The following GPR39 variants were observed in gnomAD, a reference collection of about 807,000 sequenced individuals.
GPR39 encodes zinc sensing receptor.
In GPR39, 23 loss-of-function variants were observed where a neutral mutation model predicts 18.4. That is an observed-to-expected ratio of 1.25 (90% CI 0.90 to 1.77). The LOEUF (loss-of-function observed/expected upper bound fraction) is 1.77. Among genes scored for constraint, GPR39 ranks in the 40% most tolerant of loss-of-function variants. The pLI, the probability that GPR39 is intolerant of heterozygous loss-of-function variation, is 0.00. For synonymous variants in GPR39, 280 were observed against 257.9 expected (o/e 1.09, Z -0.82); for missense variants, 647 against 602.4 (o/e 1.07, Z -0.78).
In GPR39 at chr2:132,646,106, C is replaced by T; in HGVS notation, c.*500C>T. 6.2e-7 allele frequency: 1 copy of T among 1,608,122 alleles called. No individual in the cohort carries two copies. The highest frequency in any genetic ancestry group is 8.5e-7 in the Non-Finnish European group (1 of 1,176,768). On this transcript the variant is annotated 3_prime_UTR_variant, in exon 2 of 2. Coordinates refer to ENST00000329321, the MANE Select transcript of GPR39 (RefSeq NM_001508.3). ...CAGGATGGTGGTGCGGAGCCCTGGC[C>T]TGAGGGCCGAGGCAGAACTTCCCCT... is the stretch of plus-strand genomic sequence containing the variant.
intron 1 of GPR39, among the ~76,000 whole-genome samples, chr2:132,566,604 G>A (rs796869200): frequency 1.4e-4 from 22 of 152,252 alleles, no homozygotes; most frequent in African/African-American, 3.4e-4. Flanking sequence ...CCCATGAAAC[G>A]TTTTTGCAAC....
intron 1 of GPR39, among the ~76,000 whole-genome samples, chr2:132,471,653 T>G (rs765727128): frequency 1.7e-5 from 2 of 115,102 alleles, no homozygotes; most frequent in Non-Finnish European, 3.3e-5. Context: ...CAGCAAGGAG[T>G]TTTTTTTTTT....
intron 1 of GPR39, among the ~76,000 whole-genome samples, chr2:132,451,996 T>A (rs1486822055): frequency 1.3e-5 from 2 of 152,130 alleles, no homozygotes; most frequent in Non-Finnish European, 2.9e-5. Flanking sequence ...CTTGAATTGT[T>A]GTAAGTTCAA....
At chr2:132,488,210 A>C (rs1681382016) in intron 1 of GPR39, among the ~76,000 whole-genome samples, 1 of 152,188 alleles carries the variant, frequency 6.6e-6, no homozygotes, top group Non-Finnish European at 1.5e-5. Context: ...TCAAGTTGTA[A>C]ACTTTTTCTC....
At chr2:132,569,987 C>T (rs984502684) in intron 1 of GPR39, among the ~76,000 whole-genome samples, 2 of 152,116 alleles carry the variant, frequency 1.3e-5, no homozygotes, top group Non-Finnish European at 2.9e-5. Flanking sequence ...TGCCCAGTCT[C>T]GGGTTTGTCT....
At chr2:132,582,403 C>T (rs1680640298) in intron 1 of GPR39, among the ~76,000 whole-genome samples, 1 of 152,208 alleles carries the variant, frequency 6.6e-6, no homozygotes, top group Non-Finnish European at 1.5e-5. Context: ...ATGTGCCTTT[C>T]AGGCAGGTTT....
At chr2:132,474,082 AGAG>A (rs2104785025) in intron 1 of GPR39, among the ~76,000 whole-genome samples, 1 of 151,732 alleles carries the variant, frequency 6.6e-6, no homozygotes, top group East Asian at 2.0e-4. Flanking sequence ...CACTTCAGTC[AGAG>A]GAGCATGGTG....
chr2:132,628,942 C>T (rs1220259711), intron 1 of GPR39, among the ~76,000 whole-genome samples: 1 of 152,180 alleles, frequency 6.6e-6, no homozygotes, highest in Non-Finnish European at 1.5e-5. Flanking sequence ...TCCAAGTGCT[C>T]AGAGTGACCC....
chr2:132,612,216 A>G (rs1681250260), intron 1 of GPR39, among the ~76,000 whole-genome samples: 2 of 152,070 alleles, frequency 1.3e-5, no homozygotes, highest in African/African-American at 4.8e-5. Flanking sequence ...AATCAAATTG[A>G]AATTTGCTCT....
chr2:132,593,595 C>T (rs1680884932), intron 1 of GPR39, among the ~76,000 whole-genome samples: 1 of 152,286 alleles, frequency 6.6e-6, no homozygotes, highest in Non-Finnish European at 1.5e-5. Context: ...AGATTTTGAC[C>T]TGAACAAATG....
intron 1 of GPR39, among the ~76,000 whole-genome samples, chr2:132,510,378 T>C (rs1429870185): frequency 6.6e-6 from 1 of 152,112 alleles, no homozygotes; most frequent in African/African-American, 2.4e-5. Context: ...GCTAGTCTCA[T>C]CTACTCATGC....
intron 1 of GPR39, among the ~76,000 whole-genome samples, chr2:132,490,585 C>T (rs909843280): frequency 2.0e-5 from 3 of 151,842 alleles, no homozygotes; most frequent in Non-Finnish European, 2.9e-5. Flanking sequence ...TAGAGCATGC[C>T]GATCGCTGGT....
At chr2:132,557,429 G>T (rs967575475) in intron 1 of GPR39, among the ~76,000 whole-genome samples, 1 of 152,210 alleles carries the variant, frequency 6.6e-6, no homozygotes, top group Non-Finnish European at 1.5e-5. Context: ...TTCCAACTTT[G>T]AATTCTTTCT....
intron 1 of GPR39, among the ~76,000 whole-genome samples, chr2:132,610,343 G>T (rs1681217856): frequency 6.6e-6 from 1 of 152,152 alleles, no homozygotes; most frequent in East Asian, 1.9e-4. Context: ...CATTAATTAA[G>T]ATGACACTAG....
chr2:132,522,032 G>A (rs1679435019), intron 1 of GPR39, among the ~76,000 whole-genome samples: 1 of 152,174 alleles, frequency 6.6e-6, no homozygotes, highest in Non-Finnish European at 1.5e-5. Context: ...AATAGTTGCT[G>A]TGTAAATGCG....
chr2:132,417,062 C>T lies in GPR39; in HGVS notation c.20C>T (p.Pro7Leu), dbSNP rs1553445953. 6.2e-7 allele frequency: 1 copy of T among 1,613,940 alleles called. No homozygotes were observed. The highest frequency in any genetic ancestry group is 1.1e-5 in the South Asian group (1 of 91,052). ...TTTCTCATGGCTTCACCCAGCCTCC[C>T]GGGCAGTGACTGCTCCCAAATCATT... MASPSL[P>L]GSDCSQIIDH... The change falls in exon 1 of 2, where the codon CCG (proline) becomes CTG (leucine). Residue 7 changes from proline (P) to leucine (L), a missense_variant. By Grantham distance (98) the Pro-to-Leu change is moderately conservative (BLOSUM62 -3). Transcript: ENST00000329321.
intron 1 of GPR39, among the ~76,000 whole-genome samples, chr2:132,549,702 C>A (rs568704748): frequency 2.0e-5 from 3 of 152,054 alleles, no homozygotes. Context: ...GCAGGAGAAT[C>A]GCTTGAACCC....
At chr2:132,424,357 TC>T (rs1680073507) in intron 1 of GPR39, among the ~76,000 whole-genome samples, 1 of 152,192 alleles carries the variant, frequency 6.6e-6, no homozygotes, top group African/African-American at 2.4e-5. Flanking sequence ...TGTTTATGTC[TC>T]CACCTTAAAT....
At chr2:132,493,085 CAT>C (rs1467716518) in intron 1 of GPR39, among the ~76,000 whole-genome samples, 1 of 134,284 alleles carries the variant, frequency 7.4e-6, no homozygotes, top group African/African-American at 2.8e-5. Flanking sequence ...ACATATATAC[CAT>C]ATATATACAC....
Sources: allele counts gnomAD v4.1 joint callset (sites outside exome capture counted in the v4.1 genomes callset), GRCh38; gene constraint gnomAD v4.1.1; transcripts MANE v1.5; gene names NCBI Gene and HGNC (gene_info 2026-07-23, HGNC 2026-07-21).